GEMIN5: variants seen among roughly 807,000 people sequenced by gnomAD.
The protein encoded by GEMIN5 is gem nuclear organelle associated protein 5.
Under a neutral mutation model 176.9 loss-of-function variants are expected in GEMIN5, and 124 were observed. The observed-to-expected ratio is 0.70, with a 90% CI of 0.61 to 0.81. GEMIN5 has a LOEUF of 0.81. Ranked by LOEUF, GEMIN5 falls within the 40% of genes least tolerant of loss-of-function variation. The probability of loss-of-function intolerance (pLI) is 0.00; values close to 1 mark genes in which losing one functional copy is unlikely to be tolerated. For missense variants in GEMIN5, 1,843 were observed against 1,814.6 expected (o/e 1.02, Z -0.28); for synonymous variants, 673 against 665.2 (o/e 1.01, Z -0.18).
In GEMIN5 at chr5:154,938,063, G is replaced by A. The variant is rs1764309569; in HGVS notation, c.71C>T (p.Pro24Leu). 1 of 1,530,938 alleles carries A rather than the reference G, an allele frequency of 6.5e-7. No individual in the cohort carries two copies. 94.8% of individuals were successfully genotyped at this position (1,530,938 alleles called of 1,614,324 possible). A position where few individuals can be genotyped will look rare whatever the true frequency, so the allele number is the denominator to read the frequency against. Residue 24 changes from proline (P) to leucine (L), a missense_variant, in exon 1 of 28, where the codon CCC (proline) becomes CTC (leucine). Pro to Leu is a moderately conservative substitution (Grantham distance 98). Transcript: ENST00000285873. ...WYCARCSDAV[P>L]GGLFGFAART... ...CGCGGCGAAGCCAAAGAGGCCCCCGGGCACGGCATCGCTGCAGCGGGCGCA... is the reference window on the plus strand; with the variant it reads ...CGCGGCGAAGCCAAAGAGGCCCCCGAGCACGGCATCGCTGCAGCGGGCGCA...
intron 10 of GEMIN5, 86 bp from the exon 11 acceptor site, chr5:154,920,189 C>G (rs763692560): frequency 4.1e-6 from 4 of 974,534 alleles, no homozygotes; most frequent in Middle Eastern, 2.5e-4. Flanking sequence ...TACCATACTA[C>G]ATAGTTGTTT....
intron 19 of GEMIN5, 119 bp from the exon 20 acceptor site, chr5:154,902,795 G>C: frequency 9.8e-7 from 1 of 1,015,508 alleles, no homozygotes; most frequent in Non-Finnish European, 1.5e-6. Flanking sequence ...GTCATTCTCT[G>C]ATGGGTGTCA....
rs781240978 is a variant in GEMIN5, at chr5:154,928,626, C to T, written c.815G>A (p.Arg272Lys). The change falls in exon 6 of 28, where the codon AGA becomes AAA. Residue 272 changes from arginine to lysine, a missense_variant. By Grantham distance (26) the Arg-to-Lys change is conservative (BLOSUM62 2). Coordinates refer to ENST00000285873, the MANE Select transcript of GEMIN5 (RefSeq NM_015465.5). The stretch of plus-strand genomic sequence containing the variant: ...AGTTGGGTCTATACCCCCTCCTCTT[C>T]TCTTCAGAAAGGGCAATTTCAAAAT... ...VMILKLPFLK[R>K]RGGGIDPTVK... is the part of the protein sequence containing the mutation. The T allele has an allele frequency of 8.7e-6, 14 of 1,613,832 alleles. No individual in the cohort carries two copies. Among genetic ancestry groups the T allele is most frequent in the Middle Eastern group, 1.6e-4 (1 of 6,082 alleles).
chr5:154,902,247 A>C (rs1378162780), intron 20 of GEMIN5, among the ~76,000 whole-genome samples: 1 of 152,206 alleles, frequency 6.6e-6, no homozygotes, highest in Non-Finnish European at 1.5e-5. Context: ...CCTCCTGAGC[A>C]GCTGGGGACT....
chr5:154,904,967 C>A (rs374808861), intron 17 of GEMIN5, among the ~76,000 whole-genome samples: 6 of 151,852 alleles, frequency 4.0e-5, no homozygotes, highest in Admixed American at 3.9e-4. Context: ...CTGAGGCGGG[C>A]GGATCACTGG....
chr5:154,898,484 A>G lies in GEMIN5; in HGVS notation c.3301T>C (p.Trp1101Arg). ...CAQELLLANN[W>R]VGAQEALQLH... is the part of the protein sequence containing the mutation. ...TGCAGGGCTTCCTGGGCTCCCACCC[A>G]GTTGTTGGCCAGAAGCAGCTCTTGG... is the stretch of plus-strand genomic sequence containing the variant. Residue 1101 changes from tryptophan to arginine, a missense_variant, in exon 23 of 28, where the codon TGG becomes CGG. Transcript: ENST00000285873. 1 of 1,614,190 alleles carries G rather than the reference A, an allele frequency of 6.2e-7. No homozygotes were observed. The highest frequency in any genetic ancestry group is 8.5e-7 in the Non-Finnish European group (1 of 1,180,032).
intron 24 of GEMIN5, among the ~76,000 whole-genome samples, chr5:154,894,830 C>G (rs369801436): frequency 6.6e-6 from 1 of 152,056 alleles, no homozygotes; most frequent in Non-Finnish European, 1.5e-5. Flanking sequence ...TTGCTTGAAC[C>G]TGGGAGGCGG....
intron 19 of GEMIN5, 110 bp downstream of exon 19, chr5:154,902,970 G>T: frequency 1.3e-6 from 1 of 765,838 alleles, no homozygotes; most frequent in Non-Finnish European, 2.2e-6. Flanking sequence ...TAGCTGACAC[G>T]TAAAACTAAC....
In GEMIN5 at chr5:154,937,094, G is replaced by A; in HGVS notation, c.258C>T (p.Ser86=). The change falls in exon 2 of 28, where the codon TCC becomes TCT. Residue 86 remains serine (S), a synonymous_variant. Transcript: ENST00000285873. ...PGQYNLCATS[S]DDGTVKIWDV... ...CCCATATTTTCACAGTCCCATCGTC[G>A]GAGCTGGTGGCACAGAGGTTGTACT... is the stretch of plus-strand genomic sequence containing the variant. The A allele has an allele frequency of 1.2e-6, 2 of 1,613,880 alleles. No homozygotes were observed. Among genetic ancestry groups the A allele is most frequent in the Non-Finnish European group, 1.7e-6 (2 of 1,179,794 alleles).
chr5:154,894,892 G>C (rs1179780828), intron 24 of GEMIN5, among the ~76,000 whole-genome samples: 1 of 146,400 alleles, frequency 6.8e-6, no homozygotes, highest in Non-Finnish European at 1.5e-5. Flanking sequence ...GGGTGACAGA[G>C]TGAGACTCCA....
chr5:154,893,844 C>T (rs1036129974), intron 24 of GEMIN5, among the ~76,000 whole-genome samples: 1 of 152,286 alleles, frequency 6.6e-6, no homozygotes, highest in East Asian at 1.9e-4. Context: ...CCTGGGTTCA[C>T]ACCATTCTCT....
At chr5:154,903,883 C>T (rs1407768851) in intron 18 of GEMIN5, among the ~76,000 whole-genome samples, 1 of 151,710 alleles carries the variant, frequency 6.6e-6, no homozygotes, top group African/African-American at 2.4e-5. Context: ...CCCAGGCTGG[C>T]CTTAAAGTGA....
chr5:154,937,631 T>A (rs1764296907), intron 1 of GEMIN5, among the ~76,000 whole-genome samples: 1 of 152,194 alleles, frequency 6.6e-6, no homozygotes, highest in Non-Finnish European at 1.5e-5. Context: ...GGCCTGCAGC[T>A]GTGGTTAGCC....
At chr5:154,926,170 G>A (rs1764026506) in intron 7 of GEMIN5, 96 bp from the exon 8 acceptor site, 6 of 733,596 alleles carry the variant, frequency 8.2e-6, no homozygotes, top group Non-Finnish European at 1.4e-5. Context: ...CAAAGACTGG[G>A]TAAGGATAAT....
chr5:154,929,813 A>G (rs1240776315), intron 5 of GEMIN5, among the ~76,000 whole-genome samples: 1 of 152,258 alleles, frequency 6.6e-6, no homozygotes, highest in Non-Finnish European at 1.5e-5. Flanking sequence ...ATGACATTCC[A>G]AGTGCTGTGC....
intron 13 of GEMIN5, among the ~76,000 whole-genome samples, chr5:154,913,468 A>G (rs773928341): frequency 2.0e-5 from 3 of 152,212 alleles, no homozygotes; most frequent in Non-Finnish European, 4.4e-5. Context: ...CAAATGCAAA[A>G]TGAGAAAGCA....
chr5:154,930,452 G>C (rs1416990382), intron 5 of GEMIN5, among the ~76,000 whole-genome samples: 1 of 152,208 alleles, frequency 6.6e-6, no homozygotes, highest in African/African-American at 2.4e-5. Flanking sequence ...TTTATAACAA[G>C]TGGATGAGTG....
chr5:154,911,232 G>A (rs531614818), intron 15 of GEMIN5, among the ~76,000 whole-genome samples: 1 of 152,178 alleles, frequency 6.6e-6, no homozygotes, highest in Non-Finnish European at 1.5e-5. Context: ...CCAAGATCTG[G>A]GCTGGGCACG....
At chr5:154,933,098 C>G (rs1438350448) in intron 3 of GEMIN5, among the ~76,000 whole-genome samples, 2 of 152,154 alleles carry the variant, frequency 1.3e-5, no homozygotes, top group Non-Finnish European at 2.9e-5. Context: ...ACTACCCTGC[C>G]TAAGAAAAAT....
Sources: allele counts gnomAD v4.1 joint callset (sites outside exome capture counted in the v4.1 genomes callset), GRCh38; gene constraint gnomAD v4.1.1; transcripts MANE v1.5; gene names NCBI Gene and HGNC (gene_info 2026-07-23, HGNC 2026-07-21).